Variants in CLIP1 observed in about 807,000 individuals in gnomAD.
The protein encoded by CLIP1 is CAP-Gly domain containing linker protein 1.
Under a neutral mutation model 161.6 loss-of-function variants are expected in CLIP1, and 66 were observed. The ratio of observed to expected loss-of-function variants is 0.41; its 90% CI spans 0.33 to 0.50. CLIP1 has a LOEUF of 0.50. CLIP1 is among the 20% of genes least tolerant of loss of function. CLIP1 has a pLI of 0.27. For synonymous variants in CLIP1, 598 were observed against 626.2 expected (o/e 0.96, Z 0.67); for missense variants, 1,376 against 1,702.0 (o/e 0.81, Z 3.37).
chr12:122,289,981 G>A (rs1956032964), intron 20 of CLIP1, among the ~76,000 whole-genome samples: 1 of 151,970 alleles, frequency 6.6e-6, no homozygotes. Flanking sequence ...GCTAATGTTT[G>A]TATTTTTAGT....
At chr12:122,284,515 G>A (rs989269173) in intron 21 of CLIP1, among the ~76,000 whole-genome samples, 4 of 151,986 alleles carry the variant, frequency 2.6e-5, no homozygotes, top group African/African-American at 7.3e-5. Context: ...ACCGTGCCCG[G>A]CTATTTTTGT....
intron 2 of CLIP1, among the ~76,000 whole-genome samples, chr12:122,379,512 G>A (rs1196738820): frequency 6.6e-6 from 1 of 151,830 alleles, no homozygotes; most frequent in Non-Finnish European, 1.5e-5. Flanking sequence ...TACTTGGGAC[G>A]CTGAGAGCCA....
At chr12:122,398,531 A>G (rs1354720795) in intron 1 of CLIP1, among the ~76,000 whole-genome samples, 1 of 152,110 alleles carries the variant, frequency 6.6e-6, no homozygotes, top group Non-Finnish European at 1.5e-5. Context: ...ATTTTTATAA[A>G]AGCAGAGACA....
intron 1 of CLIP1, among the ~76,000 whole-genome samples, chr12:122,419,653 C>A (rs1271912252): frequency 6.6e-6 from 1 of 151,756 alleles, no homozygotes; most frequent in African/African-American, 2.4e-5. Flanking sequence ...AAGCAAGAAT[C>A]GGCCGGGCAC....
In CLIP1 at chr12:122,319,149, T is replaced by A. The variant is rs1951384343; in HGVS notation, c.3366+83A>T. ...TGTAAAGTCACACACTTCAAAAACA[T>A]AAGCAATCCTGAGTCAGTGACCAAA... is the stretch of plus-strand genomic sequence containing the variant. On this transcript the variant is annotated intron_variant, in intron 18 of 25. Coordinates refer to ENST00000620786, the MANE Select transcript of CLIP1 (RefSeq NM_001247997.2). The A allele has an allele frequency of 1.7e-5, 16 of 923,342 alleles. 1 individual carries two copies. In the South Asian group the frequency reaches 2.2e-4, roughly 13 times the overall value. 57.2% of individuals were successfully genotyped at this position (923,342 alleles called of 1,614,324 possible). A position where few individuals can be genotyped will look rare whatever the true frequency, so the allele number is the denominator to read the frequency against.
intron 3 of CLIP1, among the ~76,000 whole-genome samples, chr12:122,375,752 ATT>A (rs1954694688): frequency 6.6e-6 from 1 of 151,908 alleles, no homozygotes; most frequent in African/African-American, 2.4e-5. Flanking sequence ...AAAAAATCCA[ATT>A]TTTATAAACA....
chr12:122,351,101 GC>G lies in CLIP1; in HGVS notation c.1401+9del. 6.5e-7 allele frequency: 1 copy of G among 1,540,566 alleles called. No homozygotes were observed. Among genetic ancestry groups the G allele is most frequent in the Non-Finnish European group, 8.7e-7 (1 of 1,147,346 alleles). On this transcript the variant is annotated intron_variant, in intron 9 of 25. Transcript: ENST00000620786. ...AAGGGAAATATCCACACAGTTAAGT[GC>G]CCTCTTACATTCTCAGGATCTTCAG...
At chr12:122,387,849 G>A (rs1418043867) in intron 1 of CLIP1, among the ~76,000 whole-genome samples, 1 of 151,750 alleles carries the variant, frequency 6.6e-6, no homozygotes, top group Non-Finnish European at 1.5e-5. Context: ...GTCTCCCAAA[G>A]TGCTGGGATT....
chr12:122,349,908 T>G (rs1177305436), intron 9 of CLIP1, among the ~76,000 whole-genome samples: 2 of 146,416 alleles, frequency 1.4e-5, no homozygotes, highest in East Asian at 2.5e-4. Flanking sequence ...TTTTTGTTTT[T>G]TTTGTTTTTT....
intron 20 of CLIP1, among the ~76,000 whole-genome samples, chr12:122,302,849 G>A (rs1208712335): frequency 7.9e-5 from 12 of 152,018 alleles, no homozygotes; most frequent in Non-Finnish European, 1.5e-4. Flanking sequence ...TGCCCACCTC[G>A]GCCTCACACA....
chr12:122,286,174 T>C (rs939630614), intron 21 of CLIP1, among the ~76,000 whole-genome samples: 2 of 152,164 alleles, frequency 1.3e-5, no homozygotes, highest in Non-Finnish European at 2.9e-5. Flanking sequence ...CTAAACCTGC[T>C]TGGCACCGTG....
At chr12:122,347,097 C>T (rs987420584) in intron 10 of CLIP1, among the ~76,000 whole-genome samples, 2 of 152,216 alleles carry the variant, frequency 1.3e-5, no homozygotes, top group African/African-American at 4.8e-5. Context: ...TAAATAACTT[C>T]AAATACAGTT....
intron 10 of CLIP1, among the ~76,000 whole-genome samples, chr12:122,344,375 T>C (rs1275086954): frequency 3.3e-5 from 5 of 152,130 alleles, no homozygotes; most frequent in Non-Finnish European, 7.4e-5. Context: ...AAGAGTTTGT[T>C]ACGTCAAAAT....
In CLIP1 at chr12:122,297,975, T is replaced by C. The variant is rs538723795; in HGVS notation, c.3595-9434A>G. Among the ~76,000 whole-genome samples, 9 of 152,290 alleles carry C rather than the reference T, an allele frequency of 5.9e-5. No individual in the cohort carries two copies. In the East Asian group the frequency reaches 1.5e-3, roughly 26 times the overall value. ...GATCCATGTGGGATTACCGAAAGAC[T>C]GGCCATCTCCGTCCAGTTTGGGACG... On this transcript the variant is annotated intron_variant, in intron 20 of 25. Transcript: ENST00000620786.
chr12:122,284,746 T>A (rs574554618), intron 21 of CLIP1, among the ~76,000 whole-genome samples: 17 of 152,278 alleles, frequency 1.1e-4, no homozygotes, highest in African/African-American at 4.1e-4. Flanking sequence ...AAGGACTTCA[T>A]CATTAAGTAC....
chr12:122,407,117 CT>C (rs1956351187), intron 1 of CLIP1, among the ~76,000 whole-genome samples: 1 of 152,126 alleles, frequency 6.6e-6, no homozygotes, highest in African/African-American at 2.4e-5. Flanking sequence ...GAAGAACTTA[CT>C]TAATGGGTCG....
rs562954966 is a variant in CLIP1, at chr12:122,294,882, G to A, written c.3595-6341C>T. 4.0e-4 allele frequency among the ~76,000 whole-genome samples: 61 copies of A among 151,930 alleles called. 3 individuals carry two copies. The highest frequency in any genetic ancestry group is 1.4e-3 in the African/African-American group (57 of 41,430). Reference sequence around the variant, plus strand: ...TGCCTAACTAACATGGTGAAACTCCGTCTCTACTAAAAATACAAAAAATTA... The same window carrying A: ...TGCCTAACTAACATGGTGAAACTCCATCTCTACTAAAAATACAAAAAATTA... On this transcript the variant is annotated intron_variant, in intron 20 of 25. Coordinates refer to ENST00000620786, the MANE Select transcript of CLIP1 (RefSeq NM_001247997.2).
At chr12:122,365,629 A>C in intron 3 of CLIP1, 1 of 922,912 alleles carries the variant, frequency 1.1e-6, no homozygotes, top group Non-Finnish European at 1.8e-6. Flanking sequence ...AATTCATGGC[A>C]TAATAGATGT....
chr12:122,291,387 A>G (rs1248248261), intron 20 of CLIP1, among the ~76,000 whole-genome samples: 2 of 151,500 alleles, frequency 1.3e-5, no homozygotes, highest in Admixed American at 1.3e-4. Flanking sequence ...ACGGGGTTTC[A>G]TCATGTTGGC....
Sources: gnomAD v4.1 joint callset for allele counts (sites outside exome capture counted in the v4.1 genomes callset) on GRCh38, gnomAD v4.1.1 for gene constraint, MANE v1.5 for transcripts, NCBI Gene and HGNC (gene_info 2026-07-23, HGNC 2026-07-21) for gene names.